The following SCN2A variants were observed in gnomAD, a reference collection of about 807,000 sequenced individuals.
The protein encoded by SCN2A is sodium channel protein type 2 subunit alpha.
In SCN2A, 20 loss-of-function variants were observed where a neutral mutation model predicts 188.7. The ratio of observed to expected loss-of-function variants is 0.11; its 90% CI spans 0.07 to 0.15. The LOEUF is 0.15. Ranked by LOEUF, SCN2A falls within the 10% of genes least tolerant of loss-of-function variation. The probability of loss-of-function intolerance (pLI) is 1.00; values close to 1 mark genes in which losing one functional copy is unlikely to be tolerated. For missense variants in SCN2A, 1,278 were observed against 2,445.0 expected (o/e 0.52, Z 10.07); for synonymous variants, 804 against 833.1 (o/e 0.97, Z 0.60).
At chr2:165,259,448 T>C (rs1344719800) in intron 1 of SCN2A, among the ~76,000 whole-genome samples, 1 of 152,234 alleles carries the variant, frequency 6.6e-6, no homozygotes, top group Non-Finnish European at 1.5e-5. Context: ...CCTTTCAAAT[T>C]GGAGTCAATC....
At chr2:165,374,149 A>C (rs1272284167) in intron 21 of SCN2A, among the ~76,000 whole-genome samples, 1 of 152,088 alleles carries the variant, frequency 6.6e-6, no homozygotes, top group African/African-American at 2.4e-5. Flanking sequence ...GCATGGTTAC[A>C]TAGAAAAGTG....
intron 4 of SCN2A, 37 bp from the exon 5 acceptor site, chr2:165,308,629 C>G: frequency 6.2e-7 from 1 of 1,603,344 alleles, no homozygotes. Context: ...AAATTAACCA[C>G]TAGATTTTTA....
intron 11 of SCN2A, among the ~76,000 whole-genome samples, chr2:165,319,121 A>G (rs1432956487): frequency 6.6e-6 from 1 of 151,974 alleles, no homozygotes; most frequent in African/African-American, 2.4e-5. Flanking sequence ...GCAGATCATG[A>G]GATCAGGAGA....
chr2:165,250,581 C>G (rs1694045143), intron 1 of SCN2A, among the ~76,000 whole-genome samples: 1 of 151,746 alleles, frequency 6.6e-6, no homozygotes, highest in African/African-American at 2.4e-5. Flanking sequence ...AAGGAGCTCT[C>G]TAACTCCATG....
intron 1 of SCN2A, chr2:165,243,839 T>C (rs2106053998): frequency 6.6e-6 from 1 of 152,274 alleles, no homozygotes; most frequent in East Asian, 1.9e-4. Context: ...GTCATATATA[T>C]ATTTTGCTGA....
chr2:165,319,168 CT>C, intron 11 of SCN2A, among the ~76,000 whole-genome samples: 1 of 152,026 alleles, frequency 6.6e-6, no homozygotes, highest in Non-Finnish European at 1.5e-5. Context: ...AACCCCATCT[CT>C]ACTAAAAAAT....
chr2:165,368,617 A>G (rs1308604539), intron 19 of SCN2A, among the ~76,000 whole-genome samples: 1 of 152,210 alleles, frequency 6.6e-6, no homozygotes, highest in Non-Finnish European at 1.5e-5. Flanking sequence ...ATTACTGACT[A>G]GCAAAAAAAT....
chr2:165,317,475 G>A (rs1697822612), intron 11 of SCN2A, among the ~76,000 whole-genome samples: 1 of 151,944 alleles, frequency 6.6e-6, no homozygotes, highest in African/African-American at 2.4e-5. Flanking sequence ...GCCTGAAGTT[G>A]TCTAAGTTTT....
chr2:165,262,590 A>T (rs1222125834), intron 1 of SCN2A, among the ~76,000 whole-genome samples: 1 of 152,012 alleles, frequency 6.6e-6, no homozygotes, highest in Admixed American at 6.6e-5. Context: ...ATATATTTGT[A>T]TATGTATAAT....
At chr2:165,309,330 G>A (rs761152525) in intron 5 of SCN2A, 22 bp from the exon 6 acceptor site, 1 of 1,613,582 alleles carries the variant, frequency 6.2e-7, no homozygotes, top group South Asian at 1.1e-5. Flanking sequence ...CATTGTGTTT[G>A]TGTGTGAACC....
At chr2:165,240,659 CTGTG>C (rs35247335) in intron 1 of SCN2A, among the ~76,000 whole-genome samples, 415 of 136,458 alleles carry the variant, frequency 3.0e-3, no homozygotes, top group Middle Eastern at 0.012. Context: ...GTGGAAAGAG[CTGTG>C]TGTGTGTGTG....
chr2:165,305,092 C>T (rs1697046800), intron 3 of SCN2A, among the ~76,000 whole-genome samples: 1 of 152,152 alleles, frequency 6.6e-6, no homozygotes, highest in Non-Finnish European at 1.5e-5. Context: ...AAAAAAGTAA[C>T]TGAATCCAGA....
chr2:165,363,514 G>A (rs1414641889), intron 17 of SCN2A, among the ~76,000 whole-genome samples: 1 of 151,364 alleles, frequency 6.6e-6, no homozygotes, highest in African/African-American at 2.4e-5. Flanking sequence ...TAGCATAACA[G>A]GTTCGTGTGA....
At chr2:165,308,173 T>C (rs1457049684) in intron 4 of SCN2A, among the ~76,000 whole-genome samples, 12 of 152,162 alleles carry the variant, frequency 7.9e-5, no homozygotes, top group Admixed American at 6.5e-4. Flanking sequence ...CTTTATCTTC[T>C]TTGTGAGTCT....
At chr2:165,357,655 G>A (rs1318531411) in intron 17 of SCN2A, among the ~76,000 whole-genome samples, 1 of 152,056 alleles carries the variant, frequency 6.6e-6, no homozygotes, top group Non-Finnish European at 1.5e-5. Flanking sequence ...TTGAATGATT[G>A]TTTTTTCTTT....
In SCN2A at chr2:165,350,503, C is replaced by T. The variant is rs1308437727; in HGVS notation, c.2920-3689C>T. ...TTTTTTTTTTTTTGAGACGGAGTCT[C>T]GCTCTGTCGCCCAGGCTGGAGTGCA... On this transcript the variant is annotated intron_variant, in intron 16 of 26. Coordinates refer to ENST00000375437, the MANE Select transcript of SCN2A (RefSeq NM_001040142.2). 2.3e-4 allele frequency among the ~76,000 whole-genome samples: 23 copies of T among 101,868 alleles called. No individual in the cohort carries two copies. In the Admixed American group the frequency reaches 2.4e-3, roughly 11 times the overall value. 66.8% of individuals were successfully genotyped at this position (101,868 alleles called of 152,430 possible).
In SCN2A at chr2:165,323,243, A is replaced by C. The variant is rs148275498; in HGVS notation, c.1759A>C (p.Ile587Leu). The C allele has an allele frequency of 1.1e-4, 173 of 1,614,074 alleles. No homozygotes were observed. The highest frequency in any genetic ancestry group is 1.3e-4 in the Non-Finnish European group (159 of 1,180,048). Residue 587 changes from isoleucine to leucine, a missense_variant, in exon 12 of 27, where the codon ATT becomes CTT. Physicochemically the swap from Ile to Leu is conservative, Grantham distance 5 (BLOSUM62 2). Around this residue, in one of 17 missense-constraint regions of SCN2A, gnomAD observed 315 missense variants for 386.6 expected, o/e 0.81. Transcript: ENST00000375437. ...LFSFRGRAKDIGSENDFADDE... is the reference protein window; with the variant it reads ...LFSFRGRAKDLGSENDFADDE... ...CAGCTTCAGAGGTCGAGCAAAGGAC[A>C]TTGGCTCTGAGAATGACTTTGCTGA...
intron 1 of SCN2A, among the ~76,000 whole-genome samples, chr2:165,257,060 T>C (rs1694360376): frequency 6.6e-6 from 1 of 152,192 alleles, no homozygotes; most frequent in Admixed American, 6.5e-5. Context: ...TTGTGTAGGT[T>C]TGATGGCTAG....
chr2:165,343,438 TTAAAAAAATATATTTAG>T (rs1443877677), intron 15 of SCN2A, among the ~76,000 whole-genome samples: 2 of 152,152 alleles, frequency 1.3e-5, no homozygotes, highest in Non-Finnish European at 2.9e-5. Flanking sequence ...GGGCAAGAAC[TTAAAAAAATATATTTAG>T]TAAACCTTCA....
Sources: gnomAD v4.1 joint callset for allele counts (sites outside exome capture counted in the v4.1 genomes callset) on GRCh38, gnomAD v4.1.1 for gene constraint, gnomAD v4.1.1 regional missense constraint, MANE v1.5 for transcripts, NCBI Gene and HGNC (gene_info 2026-07-23, HGNC 2026-07-21) for gene names.